Variants in HEPHL1 observed in about 807,000 individuals in gnomAD.
HEPHL1 encodes the protein ferroxidase HEPHL1.
A neutral mutation model predicts 122.0 loss-of-function variants in HEPHL1; 123 were observed. That is an observed-to-expected ratio of 1.01 (90% CI 0.87 to 1.17). The LOEUF is 1.17. Ranked by LOEUF, HEPHL1 falls within the 50% of genes most tolerant of loss-of-function variation. HEPHL1 has a pLI of 0.00. For synonymous variants in HEPHL1, 527 were observed against 508.9 expected, an observed-to-expected ratio of 1.04 and a Z score of -0.48; for missense variants, 1,452 against 1,430.5, an observed-to-expected ratio of 1.01 and a Z score of -0.24.
At position 94,101,241 on chromosome 11, in the gene HEPHL1, T is replaced by C; in HGVS notation, c.2481T>C (p.Phe827=). ...AEVGNTVLII[F]KNKASRPYSI... Reference sequence around the variant, plus strand: ...TGGGCAACACCGTCCTGATCATATTTAAGAACAAAGCCAGTAGGCCCTACT... The same window carrying C: ...TGGGCAACACCGTCCTGATCATATTCAAGAACAAAGCCAGTAGGCCCTACT... The change falls in exon 14 of 20, where the codon TTT becomes TTC. Residue 827 remains phenylalanine (F), a synonymous_variant. Coordinates refer to ENST00000315765, the MANE Select transcript of HEPHL1 (RefSeq NM_001098672.2). 6.2e-7 allele frequency: 1 copy of C among 1,614,024 alleles called. No homozygotes were observed. The highest frequency in any genetic ancestry group is 8.5e-7 in the Non-Finnish European group (1 of 1,179,878).
chr11:94,068,523 G>A (rs1442250676), intron 5 of HEPHL1, among the ~76,000 whole-genome samples: 2 of 152,122 alleles, frequency 1.3e-5, no homozygotes, highest in Non-Finnish European at 2.9e-5. Context: ...CATACACTAT[G>A]TCCTTTCTTA....
At chr11:94,106,274 C>T (rs1946407795) in intron 17 of HEPHL1, 144 bp downstream of exon 17, 4 of 559,226 alleles carry the variant, frequency 7.2e-6, no homozygotes, top group South Asian at 1.1e-4. Flanking sequence ...GTACCGTTTC[C>T]CTGGTGGATA....
chr11:94,106,753 G>A (rs773883337), intron 17 of HEPHL1, among the ~76,000 whole-genome samples: 21 of 152,114 alleles, frequency 1.4e-4, no homozygotes, highest in Admixed American at 2.6e-4. Flanking sequence ...GACAGCATTC[G>A]TCCCTTTTCC....
At position 94,112,557 on chromosome 11, in the gene HEPHL1, C is replaced by T. The variant is rs1591492957; in HGVS notation, c.*663C>T. 1.3e-5 allele frequency: 2 copies of T among 152,332 alleles called. No individual in the cohort carries two copies. The highest frequency in any genetic ancestry group is 4.1e-4 in the South Asian group (2 of 4,824). 9.4% of individuals were successfully genotyped at this position (152,332 alleles called of 1,614,324 possible). On this transcript the variant is annotated 3_prime_UTR_variant, in exon 20 of 20. Coordinates refer to ENST00000315765, the MANE Select transcript of HEPHL1 (RefSeq NM_001098672.2). Reference sequence around the variant, plus strand: ...AAATTGCTGCTGTTTTTATTCAAACCTGTAGAAATACTTGAATGTTTACAA... The same window carrying T: ...AAATTGCTGCTGTTTTTATTCAAACTTGTAGAAATACTTGAATGTTTACAA...
At chr11:94,093,430 G>A in intron 12 of HEPHL1, 71 bp from the exon 13 acceptor site, 2 of 1,570,070 alleles carry the variant, frequency 1.3e-6, no homozygotes, top group Non-Finnish European at 1.7e-6. Context: ...GAATACCCCT[G>A]AATCACTTAG....
intron 4 of HEPHL1, among the ~76,000 whole-genome samples, chr11:94,066,199 A>G (rs1429485763): frequency 6.6e-6 from 1 of 152,118 alleles, no homozygotes; most frequent in African/African-American, 2.4e-5. Context: ...GTCTCAAAAA[A>G]CAAAAACAAA....
intron 1 of HEPHL1, among the ~76,000 whole-genome samples, chr11:94,044,727 C>T (rs1017212875): frequency 6.6e-5 from 10 of 151,436 alleles, no homozygotes; most frequent in Admixed American, 1.3e-4. Context: ...ATTGTCTGAC[C>T]TCTTGTAACC....
At position 94,112,017 on chromosome 11, in the gene HEPHL1, C is replaced by T. The variant is rs1946454607; in HGVS notation, c.*123C>T. ...GGTTGACACTGTATCCTGGATCAGC[C>T]TTCTGATCCTCTCAAACATCATCCA... On this transcript the variant is annotated 3_prime_UTR_variant, in exon 20 of 20. Coordinates refer to ENST00000315765, the MANE Select transcript of HEPHL1 (RefSeq NM_001098672.2). The T allele has an allele frequency of 5.0e-6, 3 of 601,052 alleles. No homozygotes were observed. The highest frequency in any genetic ancestry group is 1.9e-5 in the African/African-American group (1 of 53,820). The allele number at this position is 601,052 out of a possible 1,614,324, so 37.2% of individuals were successfully genotyped here. A position where few individuals can be genotyped will look rare whatever the true frequency, so the allele number is the denominator to read the frequency against.
At chr11:94,072,971 T>C (rs1946088725) in intron 6 of HEPHL1, 54 bp from the exon 7 acceptor site, 22 of 1,529,488 alleles carry the variant, frequency 1.4e-5, no homozygotes, top group South Asian at 2.3e-5. Flanking sequence ...ATAATTAAAG[T>C]ATTTGGTGGA....
At chr11:94,106,967 G>A (rs752360214) in intron 17 of HEPHL1, among the ~76,000 whole-genome samples, 2 of 152,162 alleles carry the variant, frequency 1.3e-5, no homozygotes, top group Non-Finnish European at 2.9e-5. Context: ...GTACCATATG[G>A]GTGGTGCTCA....
At chr11:94,073,600 A>G (rs1181100942) in intron 8 of HEPHL1, among the ~76,000 whole-genome samples, 161 bp downstream of exon 8, 1 of 152,170 alleles carries the variant, frequency 6.6e-6, no homozygotes. Context: ...TCAAATGCAG[A>G]TAACAATACT....
chr11:94,080,638 A>G (rs1277505195), intron 9 of HEPHL1, among the ~76,000 whole-genome samples: 1 of 152,248 alleles, frequency 6.6e-6, no homozygotes, highest in Non-Finnish European at 1.5e-5. Flanking sequence ...AAAGACGTGA[A>G]CAGACACTTC....
At chr11:94,096,995 G>C (rs1946321965) in intron 13 of HEPHL1, among the ~76,000 whole-genome samples, 1 of 152,038 alleles carries the variant, frequency 6.6e-6, no homozygotes. Flanking sequence ...ATTTTTTGAA[G>C]GGTTTTTTGT....
At chr11:94,064,776 T>C (rs1201915300) in intron 4 of HEPHL1, among the ~76,000 whole-genome samples, 1 of 152,168 alleles carries the variant, frequency 6.6e-6, no homozygotes, top group Non-Finnish European at 1.5e-5. Context: ...ATCGATGTTA[T>C]ATTGTAATTG....
In HEPHL1 at chr11:94,055,543, C is replaced by T; in HGVS notation, c.416-7965C>T. The T allele has an allele frequency of 1.2e-5, 3 of 253,068 alleles. No homozygotes were observed. The South Asian group carries it at 1.3e-4, about 11-fold the overall frequency. The allele number at this position is 253,068 out of a possible 1,614,324, so 15.7% of individuals were successfully genotyped here. A position where few individuals can be genotyped will look rare whatever the true frequency, so the allele number is the denominator to read the frequency against. ...CGTTGTTAACCGGCTTGGAGACCAG[C>T]TCTCTCTGGGTGATCAGTTCTCCAG... is the stretch of plus-strand genomic sequence containing the variant. On this transcript the variant is annotated intron_variant, in intron 2 of 19. Coordinates refer to ENST00000315765, the MANE Select transcript of HEPHL1 (RefSeq NM_001098672.2).
At chr11:94,041,942 A>G (rs933395947) in intron 1 of HEPHL1, among the ~76,000 whole-genome samples, 3 of 84,808 alleles carry the variant, frequency 3.5e-5, no homozygotes, top group East Asian at 2.9e-4. Flanking sequence ...TAGGCAACCT[A>G]CAACATGGGA....
At chr11:94,104,461 G>T in intron 15 of HEPHL1, 67 bp from the exon 16 acceptor site, 1 of 1,073,928 alleles carries the variant, frequency 9.3e-7, no homozygotes, top group Non-Finnish European at 1.4e-6. Context: ...TAGAATGGTG[G>T]CAGGTGGAAT....
chr11:94,060,940 C>G (rs1459155650), intron 2 of HEPHL1, among the ~76,000 whole-genome samples: 2 of 152,004 alleles, frequency 1.3e-5, no homozygotes, highest in African/African-American at 4.8e-5. Context: ...CTACAAAGTC[C>G]AGGTGAGAGA....
At chr11:94,058,772 C>T (rs1945961367) in intron 2 of HEPHL1, among the ~76,000 whole-genome samples, 1 of 151,720 alleles carries the variant, frequency 6.6e-6, no homozygotes, top group Admixed American at 6.6e-5. Flanking sequence ...CGCTATGTTG[C>T]CTAGACTAGA....
Sources: allele counts gnomAD v4.1 joint callset (sites outside exome capture counted in the v4.1 genomes callset), GRCh38; gene constraint gnomAD v4.1.1; transcripts MANE v1.5; gene names NCBI Gene and HGNC (gene_info 2026-07-23, HGNC 2026-07-21).